Variants in SLC24A3 observed in about 807,000 individuals in gnomAD.
SLC24A3 encodes the protein sodium/potassium/calcium exchanger 3.
Under a neutral mutation model 75.8 loss-of-function variants are expected in SLC24A3, and 28 were observed. The observed-to-expected ratio is 0.37, with a 90% CI of 0.27 to 0.51. The LOEUF is 0.51. SLC24A3 is among the 20% of genes least tolerant of loss of function. The pLI is 0.94. For missense variants in SLC24A3, 663 were observed against 847.8 expected, an observed-to-expected ratio of 0.78 and a Z score of 2.71; for synonymous variants, 372 against 334.1, an observed-to-expected ratio of 1.11 and a Z score of -1.24.
At chr20:19,563,168 G>C (rs1223000954) in intron 3 of SLC24A3, among the ~76,000 whole-genome samples, 1 of 152,132 alleles carries the variant, frequency 6.6e-6, no homozygotes, top group East Asian at 1.9e-4. Context: ...CTACCTGAAG[G>C]ATCTTTTTTT....
intron 2 of SLC24A3, among the ~76,000 whole-genome samples, chr20:19,333,633 G>A (rs1985052471): frequency 6.6e-6 from 1 of 150,994 alleles, no homozygotes; most frequent in Admixed American, 6.6e-5. Flanking sequence ...GTGTGTGTGT[G>A]TGTGTGTGAG....
intron 9 of SLC24A3, among the ~76,000 whole-genome samples, chr20:19,678,442 G>A (rs1418758696): frequency 8.1e-5 from 11 of 135,378 alleles, no homozygotes; most frequent in African/African-American, 2.6e-4. Flanking sequence ...CCTCCCGGAC[G>A]GGGCGGCTGG....
intron 3 of SLC24A3, among the ~76,000 whole-genome samples, chr20:19,551,627 A>G (rs944901361): frequency 8.5e-5 from 13 of 152,050 alleles, no homozygotes; most frequent in Admixed American, 7.9e-4. Flanking sequence ...AGCCTCTTCT[A>G]CAGACCTCAT....
chr20:19,383,048 GA>G (rs1986209139), intron 2 of SLC24A3, among the ~76,000 whole-genome samples: 1 of 152,162 alleles, frequency 6.6e-6, no homozygotes, highest in South Asian at 2.1e-4. Flanking sequence ...TCTGATTCTC[GA>G]AGTGCAAGTG....
intron 3 of SLC24A3, among the ~76,000 whole-genome samples, chr20:19,523,417 A>G (rs1332579757): frequency 6.6e-6 from 1 of 152,254 alleles, no homozygotes; most frequent in Non-Finnish European, 1.5e-5. Flanking sequence ...CAGTGTCAAC[A>G]CAAAGCTAAA....
chr20:19,214,327 G>A (rs569280375), intron 1 of SLC24A3, among the ~76,000 whole-genome samples: 1 of 152,280 alleles, frequency 6.6e-6, no homozygotes, highest in South Asian at 2.1e-4. Context: ...GGGCCGTGCC[G>A]GTGTGAGGGA....
chr20:19,272,964 T>C (rs1983376041), intron 1 of SLC24A3, among the ~76,000 whole-genome samples: 1 of 152,156 alleles, frequency 6.6e-6, no homozygotes, highest in South Asian at 2.1e-4. Flanking sequence ...GAAGGCTTCC[T>C]GGAGGAAGGG....
chr20:19,504,876 G>T (rs1988440350), intron 2 of SLC24A3, among the ~76,000 whole-genome samples: 1 of 152,224 alleles, frequency 6.6e-6, no homozygotes, highest in Admixed American at 6.5e-5. Flanking sequence ...GTAGGCTCTT[G>T]CCCTTGCAAA....
intron 12 of SLC24A3, among the ~76,000 whole-genome samples, chr20:19,691,883 G>T (rs1272728520): frequency 6.6e-6 from 1 of 152,110 alleles, no homozygotes; most frequent in Non-Finnish European, 1.5e-5. Context: ...GGTGTAGAGA[G>T]TTTAATTAAC....
chr20:19,486,437 G>T (rs2122525032), intron 2 of SLC24A3, among the ~76,000 whole-genome samples: 1 of 152,288 alleles, frequency 6.6e-6, no homozygotes, highest in African/African-American at 2.4e-5. Context: ...TTTATTGAAT[G>T]TATGTTTTAA....
rs1380257533 is a variant in SLC24A3, at chr20:19,439,434, G to A, written c.272-76054G>A. ...TTGGGACATAAGCCTGCCCTTCCTCGCCAAAAAACAAAACAAAACCACAGA... is the reference window on the plus strand; with the variant it reads ...TTGGGACATAAGCCTGCCCTTCCTCACCAAAAAACAAAACAAAACCACAGA... On this transcript the variant is annotated intron_variant, in intron 2 of 16. Transcript: ENST00000328041. Among the ~76,000 whole-genome samples, 7 of 152,034 alleles carry A rather than the reference G, an allele frequency of 4.6e-5. No individual in the cohort carries two copies. In the East Asian group the frequency reaches 7.7e-4, roughly 17 times the overall value.
chr20:19,518,977 G>A (rs2030049489), intron 3 of SLC24A3, among the ~76,000 whole-genome samples: 1 of 152,172 alleles, frequency 6.6e-6, no homozygotes, highest in South Asian at 2.1e-4. Flanking sequence ...TATCCAGGCA[G>A]GGGAGTGATG....
At chr20:19,388,864 T>C (rs1254045626) in intron 2 of SLC24A3, among the ~76,000 whole-genome samples, 1 of 152,220 alleles carries the variant, frequency 6.6e-6, no homozygotes, top group African/African-American at 2.4e-5. Flanking sequence ...CAGCCATTTA[T>C]ATCTAAAGTA....
chr20:19,653,707 C>A (rs2024948), intron 6 of SLC24A3, among the ~76,000 whole-genome samples: 97,918 of 152,044 alleles, frequency 0.64, 32,388 homozygotes, highest in African/African-American at 0.76. Flanking sequence ...GGCCTCACTG[C>A]ACCTTCCTCA....
At chr20:19,404,076 A>C (rs1353256455) in intron 2 of SLC24A3, among the ~76,000 whole-genome samples, 4 of 152,212 alleles carry the variant, frequency 2.6e-5, no homozygotes, top group Non-Finnish European at 5.9e-5. Context: ...ATCTGGCCCC[A>C]CTGCCAAAGG....
At chr20:19,501,246 T>G (rs1988379539) in intron 2 of SLC24A3, among the ~76,000 whole-genome samples, 1 of 152,188 alleles carries the variant, frequency 6.6e-6, no homozygotes, top group Non-Finnish European at 1.5e-5. Flanking sequence ...GGAACATAAA[T>G]TATGGTATTT....
intron 6 of SLC24A3, among the ~76,000 whole-genome samples, chr20:19,596,836 G>C (rs957065577): frequency 3.3e-5 from 5 of 152,182 alleles, no homozygotes; most frequent in Admixed American, 3.3e-4. Context: ...GACGTGAACA[G>C]GTGAAATACA....
At chr20:19,626,206 T>C (rs1013282631) in intron 6 of SLC24A3, among the ~76,000 whole-genome samples, 3 of 152,216 alleles carry the variant, frequency 2.0e-5, no homozygotes, top group African/African-American at 7.2e-5. Flanking sequence ...TAGTAAGACT[T>C]GACATGATCC....
At chr20:19,637,478 A>C (rs1390021284) in intron 6 of SLC24A3, among the ~76,000 whole-genome samples, 1 of 152,252 alleles carries the variant, frequency 6.6e-6, no homozygotes, top group Non-Finnish European at 1.5e-5. Context: ...TTATCTTAAC[A>C]TAAGAACATA....
Sources: gnomAD v4.1 joint callset for allele counts (sites outside exome capture counted in the v4.1 genomes callset) on GRCh38, gnomAD v4.1.1 for gene constraint, MANE v1.5 for transcripts, NCBI Gene and HGNC (gene_info 2026-07-23, HGNC 2026-07-21) for gene names.